The following TNFSF10 variants were observed in gnomAD, a reference collection of about 807,000 sequenced individuals.
TNFSF10 encodes the protein tumor necrosis factor ligand superfamily member 10.
A neutral mutation model predicts 29.5 loss-of-function variants in TNFSF10; 13 were observed. The observed-to-expected ratio is 0.44, with a 90% CI of 0.29 to 0.70. The LOEUF (loss-of-function observed/expected upper bound fraction) is 0.70, where lower values mean the gene tolerates loss of function less well. Ranked by LOEUF, TNFSF10 falls within the 30% of genes least tolerant of loss-of-function variation. The probability of loss-of-function intolerance (pLI) is 0.13; values close to 1 mark genes in which losing one functional copy is unlikely to be tolerated. For missense variants in TNFSF10, 345 were observed against 330.9 expected (o/e 1.04, Z -0.33); for synonymous variants, 111 against 112.8 (o/e 0.98, Z 0.10).
intron 1 of TNFSF10, among the ~76,000 whole-genome samples, chr3:172,519,734 T>C (rs773785296): frequency 2.6e-5 from 4 of 152,256 alleles, no homozygotes; most frequent in Non-Finnish European, 5.9e-5. Context: ...AATTTCCGAC[T>C]GATTGGGATA....
chr3:172,522,891 GT>G (rs1713762254), intron 1 of TNFSF10, among the ~76,000 whole-genome samples: 1 of 152,180 alleles, frequency 6.6e-6, no homozygotes, highest in Admixed American at 6.5e-5. Context: ...ACAAATAAAA[GT>G]TTGGAAAAGG....
intron 1 of TNFSF10, among the ~76,000 whole-genome samples, chr3:172,519,048 C>T (rs1185680898): frequency 6.6e-6 from 1 of 152,168 alleles, no homozygotes; most frequent in African/African-American, 2.4e-5. Flanking sequence ...CTCTTAACTT[C>T]GCCTGAGCTT....
chr3:172,518,015 T>C (rs150400371), intron 1 of TNFSF10: 10 of 987,660 alleles, frequency 1.0e-5, no homozygotes, highest in Middle Eastern at 5.2e-4. Context: ...ACTAGACACA[T>C]GGCGGGTTGA....
intron 2 of TNFSF10, among the ~76,000 whole-genome samples, chr3:172,511,885 C>T (rs1350612534): frequency 6.6e-6 from 1 of 152,202 alleles, no homozygotes; most frequent in Non-Finnish European, 1.5e-5. Context: ...TGGTCCCCTG[C>T]CTGGGAAGTT....
At chr3:172,516,831 A>T (rs1454861578) in intron 1 of TNFSF10, among the ~76,000 whole-genome samples, 1 of 152,204 alleles carries the variant, frequency 6.6e-6, no homozygotes, top group African/African-American at 2.4e-5. Flanking sequence ...ATTCAGAAAT[A>T]TGAGAGCATG....
chr3:172,515,107 CA>C (rs1560146361), intron 1 of TNFSF10, 109 bp from the exon 2 acceptor site: 25 of 1,435,096 alleles, frequency 1.7e-5, no homozygotes, highest in Admixed American at 2.0e-5. Context: ...GAAGTTTTGG[CA>C]TATTGAGTAA....
At chr3:172,510,085 T>C (rs1713162269) in intron 3 of TNFSF10, among the ~76,000 whole-genome samples, 1 of 152,038 alleles carries the variant, frequency 6.6e-6, no homozygotes, top group Non-Finnish European at 1.5e-5. Flanking sequence ...TATTCTTTCA[T>C]CAAACAGACA....
rs780016047 is a variant in TNFSF10, at chr3:172,523,421, G to GCAGC, written c.-41_-38dup. 6.3e-7 allele frequency: 1 copy of GCAGC among 1,592,310 alleles called. No individual in the cohort carries two copies. Among genetic ancestry groups the GCAGC allele is most frequent in the East Asian group, 2.3e-5 (1 of 44,306 alleles). On this transcript the variant is annotated 5_prime_UTR_variant, in exon 1 of 5. Coordinates refer to ENST00000241261, the MANE Select transcript of TNFSF10 (RefSeq NM_003810.4). ...AGTCTGACTGCTGTAAGTCAGCCAG[G>GCAGC]CAGCCGGTCACTGAAGCCCTTCCTT...
At chr3:172,508,109 G>A (rs115624423) in intron 4 of TNFSF10, among the ~76,000 whole-genome samples, 7 of 151,606 alleles carry the variant, frequency 4.6e-5, no homozygotes, top group East Asian at 3.9e-4. Flanking sequence ...TTGGGAGGCC[G>A]GGGGGGTGTG....
intron 1 of TNFSF10, among the ~76,000 whole-genome samples, chr3:172,515,943 G>T (rs1713414025): frequency 1.3e-5 from 2 of 152,126 alleles, no homozygotes; most frequent in South Asian, 4.1e-4. Context: ...CAAGTGGGAT[G>T]GAAGAGACGT....
In TNFSF10 at chr3:172,506,847, A is replaced by C; in HGVS notation, c.491T>G (p.Leu164Arg). 1 of 1,614,164 alleles carries C rather than the reference A, an allele frequency of 6.2e-7. No homozygotes were observed. Among genetic ancestry groups the C allele is most frequent in the Non-Finnish European group, 8.5e-7 (1 of 1,180,032 alleles). Residue 164 changes from leucine to arginine, a missense_variant, in exon 5 of 5, where the codon CTG (leucine) becomes CGG (arginine). Transcript: ENST00000241261. ...WESSRSGHSFLSNLHLRNGEL... is the reference protein window; with the variant it reads ...WESSRSGHSFRSNLHLRNGEL... ...ACCATTCCTCAAGTGCAAGTTGCTC[A>C]GGAATGAATGCCCACTCCTTGATGA...
At chr3:172,512,326 A>C (rs1405915340) in intron 2 of TNFSF10, among the ~76,000 whole-genome samples, 1 of 152,174 alleles carries the variant, frequency 6.6e-6, no homozygotes, top group East Asian at 1.9e-4. Flanking sequence ...AGTGGGGAAA[A>C]CCAGTAAGAA....
chr3:172,518,049 A>G, intron 1 of TNFSF10: 4 of 995,660 alleles, frequency 4.0e-6, no homozygotes, highest in Non-Finnish European at 4.8e-6. Context: ...GGTTATTCCA[A>G]GAATGATAAT....
intron 1 of TNFSF10, among the ~76,000 whole-genome samples, chr3:172,517,097 G>C (rs1359963502): frequency 6.6e-6 from 1 of 152,222 alleles, no homozygotes; most frequent in East Asian, 1.9e-4. Flanking sequence ...CTTCACATCA[G>C]CTGTAAGCTA....
At chr3:172,518,568 T>A (rs1403832415) in intron 1 of TNFSF10, 4 of 943,580 alleles carry the variant, frequency 4.2e-6, no homozygotes, top group Non-Finnish European at 5.8e-6. Flanking sequence ...CATTCCTTTA[T>A]CATAAAACTT....
rs916932287 is a variant in TNFSF10, at chr3:172,506,389, C to CTGTT, written c.*99_*102dup. The CTGTT allele has an allele frequency of 2.9e-6, 4 of 1,398,460 alleles. No individual in the cohort carries two copies. In the African/African-American group the frequency reaches 4.4e-5, roughly 15 times the overall value. The allele number at this position is 1,398,460 out of a possible 1,614,324, so 86.6% of individuals were successfully genotyped here. On this transcript the variant is annotated 3_prime_UTR_variant, in exon 5 of 5. Coordinates refer to ENST00000241261, the MANE Select transcript of TNFSF10 (RefSeq NM_003810.4). ...TAGAGGTTTTTTTGTTTTCTGTTTT[C>CTGTT]TGTTTGTTTGTTTTGGTCAGATTTT...
chr3:172,517,774 A>G (rs1713495794), intron 1 of TNFSF10: 2 of 982,902 alleles, frequency 2.0e-6, no homozygotes, highest in Non-Finnish European at 1.2e-6. Flanking sequence ...CCCTGTAGAA[A>G]ATTTGTAAAA....
At chr3:172,521,601 G>C (rs999652576) in intron 1 of TNFSF10, among the ~76,000 whole-genome samples, 11 of 152,206 alleles carry the variant, frequency 7.2e-5, no homozygotes, top group Admixed American at 6.5e-4. Flanking sequence ...CACTGTTGGT[G>C]GGAGTATAAA....
At chr3:172,523,148 G>T in intron 1 of TNFSF10, 105 bp downstream of exon 1, 1 of 1,377,178 alleles carries the variant, frequency 7.3e-7, no homozygotes, top group Non-Finnish European at 9.7e-7. Flanking sequence ...CACAGAGAAA[G>T]GAAGCAGGAA....
Sources: gnomAD v4.1 joint callset for allele counts (sites outside exome capture counted in the v4.1 genomes callset) on GRCh38, gnomAD v4.1.1 for gene constraint, MANE v1.5 for transcripts, NCBI Gene and HGNC (gene_info 2026-07-23, HGNC 2026-07-21) for gene names.